Variants in PALS2 observed in about 807,000 individuals in gnomAD.
PALS2 encodes protein PALS2.
In PALS2, 27 loss-of-function variants were observed where a neutral mutation model predicts 61.6. That is an observed-to-expected ratio of 0.44 (90% CI 0.32 to 0.60). PALS2 has a LOEUF of 0.60. PALS2 is among the 20% of genes least tolerant of loss of function. The pLI is 0.05. For missense variants in PALS2, 554 were observed against 639.4 expected (o/e 0.87, Z 1.44); for synonymous variants, 236 against 218.6 (o/e 1.08, Z -0.70).
rs114266258 is a variant in PALS2, at chr7:24,613,786, T to C, written c.-2-9880T>C. On this transcript the variant is annotated intron_variant, in intron 1 of 11. Transcript: ENST00000222644. ...GCCTCTAGTAACCTCTGTTCTACTTTCTACTTCTGTAAGATCAACTTTTTT... is the reference window on the plus strand; with the variant it reads ...GCCTCTAGTAACCTCTGTTCTACTTCCTACTTCTGTAAGATCAACTTTTTT... Among the ~76,000 whole-genome samples the C allele has an allele frequency of 3.1e-3, 477 of 152,026 alleles. 6 individuals are homozygous for C. Among genetic ancestry groups the C allele is most frequent in the African/African-American group, 0.011 (458 of 41,538 alleles).
Position 24,641,736 on chromosome 7 carries a change from T to A in PALS2, c.138T>A (p.Asp46Glu). ...SLAKAHERLE[D>E]SKLEAVSDNN... Reference sequence around the variant, plus strand: ...TTCAGGCTCATGAGAGGCTAGAAGATTCCAAACTAGAAGCTGTCAGTGACA... The same window carrying A: ...TTCAGGCTCATGAGAGGCTAGAAGAATCCAAACTAGAAGCTGTCAGTGACA... The change falls in exon 3 of 12, where the codon GAT becomes GAA. Residue 46 changes from aspartate (D) to glutamate (E), a missense_variant. Coordinates refer to ENST00000222644, the MANE Select transcript of PALS2 (RefSeq NM_001303037.2). The A allele has an allele frequency of 6.2e-7, 1 of 1,611,266 alleles. No homozygotes were observed. The highest frequency in any genetic ancestry group is 8.5e-7 in the Non-Finnish European group (1 of 1,178,600).
At chr7:24,662,768 G>GGAAAAAAA in intron 5 of PALS2, among the ~76,000 whole-genome samples, 1 of 102,614 alleles carries the variant, frequency 9.7e-6, no homozygotes, top group Non-Finnish European at 2.3e-5. Flanking sequence ...GACTCCATCT[G>GGAAAAAAA]AAAAAAAAAA....
At position 24,666,075 on chromosome 7, in the gene PALS2, C is replaced by T. The variant is rs1465767789; in HGVS notation, c.938C>T (p.Thr313Ile). Reference protein sequence around the residue: ...SKKKKKMMYLTTRNAEFDRHE... With the variant: ...SKKKKKMMYLITRNAEFDRHE... ...AAAAAGAAAAAGATGATGTATCTCA[C>T]AACCAGAAATGCAGGTAGGTTTTAA... The change falls in exon 8 of 12, where the codon ACA becomes ATA. Residue 313 changes from threonine to isoleucine, a missense_variant. Transcript: ENST00000222644. 2 of 1,611,248 alleles carry T rather than the reference C, an allele frequency of 1.2e-6. No homozygotes were observed. Among genetic ancestry groups the T allele is most frequent in the East Asian group, 2.2e-5 (1 of 44,820 alleles).
At chr7:24,611,971 G>T (rs766938691) in intron 1 of PALS2, among the ~76,000 whole-genome samples, 2 of 151,954 alleles carry the variant, frequency 1.3e-5, no homozygotes, top group Non-Finnish European at 2.9e-5. Context: ...GACTCATTAG[G>T]GGGTGATGGA....
intron 3 of PALS2, among the ~76,000 whole-genome samples, chr7:24,645,074 A>G (rs1221150730): frequency 6.6e-6 from 1 of 152,074 alleles, no homozygotes; most frequent in Non-Finnish European, 1.5e-5. Flanking sequence ...GTTTTCTCAC[A>G]TTCTGTAGGC....
intron 9 of PALS2, among the ~76,000 whole-genome samples, chr7:24,676,741 G>A (rs1787619466): frequency 6.6e-6 from 1 of 151,118 alleles, no homozygotes; most frequent in African/African-American, 2.5e-5. Flanking sequence ...CTGTATCTCT[G>A]TTTTGGTACC....
At position 24,689,792 on chromosome 7, in the gene PALS2, A is replaced by G. The variant is rs1017213852; in HGVS notation, c.*2178A>G. The G allele has an allele frequency of 1.1e-4, 17 of 151,584 alleles. No individual in the cohort carries two copies. The highest frequency in any genetic ancestry group is 1.5e-4 in the African/African-American group (6 of 41,144). The allele number at this position is 151,584 out of a possible 1,614,324, so 9.4% of individuals were successfully genotyped here. On this transcript the variant is annotated 3_prime_UTR_variant, in exon 12 of 12. Transcript: ENST00000222644. Reference sequence around the variant, plus strand: ...AGTATCAAGGTGATGCCCTATGACAATGTTTCAACACACACTTGAAATTTT... The same window carrying G: ...AGTATCAAGGTGATGCCCTATGACAGTGTTTCAACACACACTTGAAATTTT...
intron 2 of PALS2, among the ~76,000 whole-genome samples, chr7:24,637,975 A>C (rs1785321815): frequency 6.6e-6 from 1 of 152,162 alleles, no homozygotes; most frequent in South Asian, 2.1e-4. Context: ...AAAAGAAAAC[A>C]AGATTTATTT....
intron 10 of PALS2, 92 bp downstream of exon 10, chr7:24,679,425 T>A: frequency 1.5e-6 from 2 of 1,341,048 alleles, no homozygotes; most frequent in Non-Finnish European, 1.0e-6. Flanking sequence ...GGGTTGTTTG[T>A]TTTGTCAGGG....
chr7:24,649,001 G>C lies in PALS2; in HGVS notation c.271-611G>C, dbSNP rs747534117. 2.0e-5 allele frequency among the ~76,000 whole-genome samples: 3 copies of C among 151,610 alleles called. No individual in the cohort carries two copies. The South Asian group carries it at 6.2e-4, about 31-fold the overall frequency. On this transcript the variant is annotated intron_variant, in intron 3 of 11. Coordinates refer to ENST00000222644, the MANE Select transcript of PALS2 (RefSeq NM_001303037.2). ...TAAGTATAGGAGGTAAAAAAAATAC[G>C]TTATATTCGGGACTATTACTGACTT...
intron 1 of PALS2, among the ~76,000 whole-genome samples, chr7:24,603,815 T>G (rs1229874647): frequency 6.6e-6 from 1 of 152,158 alleles, no homozygotes; most frequent in Non-Finnish European, 1.5e-5. Flanking sequence ...TTCTGCAGTT[T>G]AAGTCTAGAC....
At chr7:24,581,038 A>G (rs1427244663) in intron 1 of PALS2, among the ~76,000 whole-genome samples, 1 of 152,210 alleles carries the variant, frequency 6.6e-6, no homozygotes, top group Non-Finnish European at 1.5e-5. Flanking sequence ...TACGATTCTG[A>G]AGGCCAGACA....
chr7:24,604,271 C>G (rs1783820866), intron 1 of PALS2, among the ~76,000 whole-genome samples: 1 of 140,886 alleles, frequency 7.1e-6, no homozygotes, highest in African/African-American at 2.6e-5. Flanking sequence ...AAGATGCTAA[C>G]AGGACACAAT....
intron 3 of PALS2, 144 bp downstream of exon 3, chr7:24,642,012 A>T (rs1785582663): frequency 2.5e-6 from 2 of 790,398 alleles, no homozygotes; most frequent in East Asian, 5.2e-5. Context: ...TGGTATTTTA[A>T]TGTCCTCATA....
Position 24,573,557 on chromosome 7 carries a change from G to A in PALS2, c.-39G>A, listed in dbSNP as rs1309228696. 2 of 386,870 alleles carry A rather than the reference G, an allele frequency of 5.2e-6. No individual in the cohort carries two copies. The highest frequency in any genetic ancestry group is 1.3e-4 in the South Asian group (1 of 7,766). 24.0% of individuals were successfully genotyped at this position (386,870 alleles called of 1,614,324 possible). A position where few individuals can be genotyped will look rare whatever the true frequency, so the allele number is the denominator to read the frequency against. On this transcript the variant is annotated 5_prime_UTR_variant, in exon 1 of 12. Transcript: ENST00000222644. This position sits in a 1 kb window ranked among gnomAD's most constrained non-coding sequence, Gnocchi z 5.3. ...GCGGCGGGGAGCGACCGGGAGCGGC[G>A]GCAGCGGCGGCGCGGAGGCGGCTGA...
chr7:24,589,621 A>G (rs1272359056), intron 1 of PALS2, among the ~76,000 whole-genome samples: 7 of 152,178 alleles, frequency 4.6e-5, no homozygotes, highest in Non-Finnish European at 7.3e-5. Flanking sequence ...TGAACAAGCT[A>G]GTGTACCTGG....
In PALS2 at chr7:24,672,196, C is replaced by CTGTTTTGTTTTGTTT. The variant is rs57538997; in HGVS notation, c.1114+3571_1114+3585dup. Among the ~76,000 whole-genome samples the CTGTTTTGTTTTGTTT allele has an allele frequency of 3.0e-3, 433 of 145,194 alleles. 3 individuals carry two copies. The highest frequency in any genetic ancestry group is 5.0e-3 in the East Asian group (23 of 4,570). On this transcript the variant is annotated intron_variant, in intron 9 of 11. Transcript: ENST00000222644. ...ACTTGGCCTTGAGGACTACTGCCAT[C>CTGTTTTGTTTTGTTT]TGTTTTGTTTTGTTTTGTTTTGTTT...
intron 9 of PALS2, among the ~76,000 whole-genome samples, chr7:24,670,724 G>A (rs1787255342): frequency 1.3e-5 from 2 of 152,160 alleles, no homozygotes; most frequent in Admixed American, 1.3e-4. Context: ...CTGCTGCCAG[G>A]AGCAATCATG....
At chr7:24,635,095 T>C (rs10264640) in intron 2 of PALS2, among the ~76,000 whole-genome samples, 3,604 of 152,280 alleles carry the variant, frequency 0.024, 166 homozygotes, top group African/African-American at 0.083. Context: ...AGTTTGTCAA[T>C]TTCTATAAAC....
Sources: allele counts gnomAD v4.1 joint callset (sites outside exome capture counted in the v4.1 genomes callset), GRCh38; gene constraint gnomAD v4.1.1; non-coding constraint Gnocchi (gnomAD v3.1); transcripts MANE v1.5; gene names NCBI Gene and HGNC (gene_info 2026-07-23, HGNC 2026-07-21).